TAOK3: variants seen among roughly 807,000 people sequenced by gnomAD.
TAOK3 encodes serine/threonine-protein kinase TAO3.
TAOK3 carries 40 observed loss-of-function variants against 120.4 expected under a neutral mutation model. That is an observed-to-expected ratio of 0.33 (90% CI 0.26 to 0.43). The LOEUF is 0.43. TAOK3 is among the 20% of genes least tolerant of loss of function. TAOK3 has a pLI of 1.00. For missense variants in TAOK3, 821 were observed against 1,112.1 expected, an observed-to-expected ratio of 0.74 and a Z score of 3.72; for synonymous variants, 355 against 387.5, an observed-to-expected ratio of 0.92 and a Z score of 0.99.
rs566678294 is a variant in TAOK3, at chr12:118,368,322, G to C, written c.-194+4326C>G. On this transcript the variant is annotated intron_variant, in intron 1 of 20. Coordinates refer to ENST00000392533, the MANE Select transcript of TAOK3 (RefSeq NM_016281.4). ...AGCGATTCTCCTGCCTCAGCCTCCC[G>C]GGTAGCTGGAATTACAGGCGCCTGC... Among the ~76,000 whole-genome samples the C allele has an allele frequency of 6.6e-5, 10 of 151,982 alleles. 1 individual carries two copies. The South Asian group carries it at 2.1e-3, about 32-fold the overall frequency.
intron 13 of TAOK3, among the ~76,000 whole-genome samples, chr12:118,197,426 T>A (rs1026829648): frequency 1.3e-5 from 2 of 152,192 alleles, no homozygotes; most frequent in African/African-American, 2.4e-5. Flanking sequence ...AAGGTAGGTC[T>A]ATGACAGCAT....
chr12:118,304,965 GT>G (rs1310012659), intron 1 of TAOK3, among the ~76,000 whole-genome samples: 1 of 152,120 alleles, frequency 6.6e-6, no homozygotes, highest in Non-Finnish European at 1.5e-5. Context: ...AGCAACCATG[GT>G]TAAGAACACG....
intron 15 of TAOK3, among the ~76,000 whole-genome samples, chr12:118,181,011 A>C (rs1267909323): frequency 6.6e-6 from 1 of 151,790 alleles, no homozygotes; most frequent in East Asian, 1.9e-4. Context: ...TGCCCGGCTA[A>C]TTTTTGTATT....
At chr12:118,239,109 C>T (rs1009130335) in intron 6 of TAOK3, 118 bp downstream of exon 6, 1 of 694,622 alleles carries the variant, frequency 1.4e-6, no homozygotes, top group Non-Finnish European at 2.6e-6. Flanking sequence ...TTATCCACAC[C>T]ACCCTAAAGC....
chr12:118,309,155 C>T (rs2043170322), intron 1 of TAOK3, among the ~76,000 whole-genome samples: 1 of 151,558 alleles, frequency 6.6e-6, no homozygotes. Flanking sequence ...GTGGCGAAAC[C>T]CCATCTCTAC....
At chr12:118,168,731 T>C (rs960499185) in intron 17 of TAOK3, among the ~76,000 whole-genome samples, 2 of 152,210 alleles carry the variant, frequency 1.3e-5, no homozygotes, top group Non-Finnish European at 2.9e-5. Flanking sequence ...GTCACCAATA[T>C]AGTTTCTATC....
chr12:118,294,152 T>C (rs2140570930), intron 1 of TAOK3, among the ~76,000 whole-genome samples: 1 of 152,326 alleles, frequency 6.6e-6, no homozygotes, highest in Admixed American at 6.5e-5. Flanking sequence ...TGAGGTATAA[T>C]TTACATAATA....
chr12:118,177,108 G>T, intron 16 of TAOK3, 93 bp downstream of exon 16: 1 of 1,343,060 alleles, frequency 7.4e-7, no homozygotes, highest in Non-Finnish European at 1.0e-6. Context: ...AGACTCACTG[G>T]ACTAGAATAT....
chr12:118,320,667 A>G (rs935183932), intron 1 of TAOK3, among the ~76,000 whole-genome samples: 8 of 152,176 alleles, frequency 5.3e-5, no homozygotes, highest in Non-Finnish European at 1.2e-4. Flanking sequence ...CAAAAAACAA[A>G]AAGGACTTCC....
chr12:118,366,487 T>A (rs2045744803), intron 1 of TAOK3, among the ~76,000 whole-genome samples: 1 of 152,094 alleles, frequency 6.6e-6, no homozygotes, highest in Non-Finnish European at 1.5e-5. Flanking sequence ...GTGAAACACA[T>A]AAAATTAAAT....
intron 2 of TAOK3, among the ~76,000 whole-genome samples, chr12:118,256,582 G>C (rs1013657363): frequency 6.6e-6 from 1 of 152,278 alleles, no homozygotes; most frequent in East Asian, 1.9e-4. Flanking sequence ...GCAGTAAAAA[G>C]GAATGAAGTA....
intron 1 of TAOK3, among the ~76,000 whole-genome samples, chr12:118,280,057 G>A (rs571605538): frequency 4.2e-5 from 6 of 141,254 alleles, no homozygotes; most frequent in East Asian, 4.5e-4. Context: ...GAGCCACCGC[G>A]CCCCACCTTT....
rs887337659 is a variant in TAOK3, at chr12:118,371,685, T to C, written c.-194+963A>G. ...CCCAGGCTCCCCGCCGCAGCCGTTC[T>C]TGGGGGGGCTCCCGCAACTCAGCGG... On this transcript the variant is annotated intron_variant, in intron 1 of 20. Transcript: ENST00000392533. The surrounding 1 kb of genome is among the most constrained non-coding windows in gnomAD (Gnocchi z 5.5). 3.9e-5 allele frequency among the ~76,000 whole-genome samples: 6 copies of C among 152,058 alleles called. No individual in the cohort carries two copies. Among genetic ancestry groups the C allele is most frequent in the African/African-American group, 1.2e-4 (5 of 41,422 alleles).
At chr12:118,367,039 C>T (rs79937509) in intron 1 of TAOK3, among the ~76,000 whole-genome samples, 1 of 152,182 alleles carries the variant, frequency 6.6e-6, no homozygotes, top group South Asian at 2.1e-4. Flanking sequence ...GCCTGGGCGA[C>T]AGAGTAAGGC....
At chr12:118,317,092 G>A (rs1482572775) in intron 1 of TAOK3, among the ~76,000 whole-genome samples, 5 of 151,878 alleles carry the variant, frequency 3.3e-5, no homozygotes, top group African/African-American at 7.2e-5. Context: ...GCGAAGCCCC[G>A]TCTCTATTAA....
chr12:118,277,485 G>T lies in TAOK3; in HGVS notation c.-193-10726C>A, dbSNP rs541922367. On this transcript the variant is annotated intron_variant, in intron 1 of 20. Coordinates refer to ENST00000392533, the MANE Select transcript of TAOK3 (RefSeq NM_016281.4). ...CATGTATTTTTTTTTTTTTAAGACG[G>T]AGTCTTGCTCCGTCGCCCAGGTTGG... 5.9e-5 allele frequency among the ~76,000 whole-genome samples: 9 copies of T among 151,692 alleles called. No individual in the cohort carries two copies. In the South Asian group the frequency reaches 1.7e-3, roughly 28 times the overall value.
chr12:118,223,038 G>A (rs1367895682), intron 9 of TAOK3, among the ~76,000 whole-genome samples: 1 of 150,054 alleles, frequency 6.7e-6, no homozygotes. Context: ...ACCTGAAAAG[G>A]TATAAGGGTT....
At chr12:118,241,906 T>A (rs1593269356) in intron 5 of TAOK3, among the ~76,000 whole-genome samples, 2 of 151,782 alleles carry the variant, frequency 1.3e-5, no homozygotes, top group Admixed American at 6.6e-5. Context: ...AGGTCGGGAG[T>A]TCGAGACCAG....
rs527764428 is a variant in TAOK3 at position 118,337,201 on chromosome 12, C to T, written c.-194+35447G>A. On this transcript the variant is annotated intron_variant, in intron 1 of 20. Transcript: ENST00000392533. ...ATTAGGGAAATGTAAATTAAAGCCA[C>T]GAGAAAATATTACTACTTACCTATC... is the stretch of plus-strand genomic sequence containing the variant. 3.0e-4 allele frequency among the ~76,000 whole-genome samples: 45 copies of T among 152,202 alleles called. 1 individual carries two copies. Among genetic ancestry groups the T allele is most frequent in the Admixed American group, 1.7e-3 (26 of 15,292 alleles).
Sources: allele counts gnomAD v4.1 joint callset (sites outside exome capture counted in the v4.1 genomes callset), GRCh38; gene constraint gnomAD v4.1.1; non-coding constraint Gnocchi (gnomAD v3.1); transcripts MANE v1.5; gene names NCBI Gene and HGNC (gene_info 2026-07-23, HGNC 2026-07-21).